NELL1: variants seen among roughly 807,000 people sequenced by gnomAD.
NELL1 encodes the protein neural EGFL like 1.
NELL1 carries 76 observed loss-of-function variants against 107.4 expected under a neutral mutation model. The ratio of observed to expected loss-of-function variants is 0.71; its 90% CI spans 0.59 to 0.86. The LOEUF is 0.86. Ranked by LOEUF, NELL1 falls within the 40% of genes least tolerant of loss-of-function variation. NELL1 has a pLI of 0.00. For missense variants in NELL1, 1,024 were observed against 1,005.5 expected (o/e 1.02, Z -0.25); for synonymous variants, 353 against 341.2 (o/e 1.03, Z -0.38).
chr11:20,730,412 G>T (rs1000193930), intron 2 of NELL1, among the ~76,000 whole-genome samples: 25 of 152,246 alleles, frequency 1.6e-4, no homozygotes, highest in Non-Finnish European at 1.5e-4. Flanking sequence ...TCCCAAAGAT[G>T]TGTGCAGTCT....
At chr11:20,816,823 C>T (rs1382173472) in intron 3 of NELL1, among the ~76,000 whole-genome samples, 2 of 151,992 alleles carry the variant, frequency 1.3e-5, no homozygotes, top group African/African-American at 4.8e-5. Flanking sequence ...TTTTCCATGT[C>T]TAGCTTGTTA....
intron 14 of NELL1, among the ~76,000 whole-genome samples, chr11:21,243,247 G>A (rs1368103140): frequency 6.6e-6 from 1 of 152,108 alleles, no homozygotes; most frequent in Non-Finnish European, 1.5e-5. Flanking sequence ...TATACTTCTT[G>A]TAGGTAGAAT....
intron 5 of NELL1, among the ~76,000 whole-genome samples, chr11:20,886,155 G>C (rs192391463): frequency 3.0e-4 from 45 of 152,168 alleles, no homozygotes; most frequent in Non-Finnish European, 2.1e-4. Flanking sequence ...TTGGTACCAT[G>C]CTCACTACCT....
chr11:20,741,228 C>T (rs1259817020), intron 2 of NELL1, among the ~76,000 whole-genome samples: 2 of 152,018 alleles, frequency 1.3e-5, no homozygotes, highest in African/African-American at 4.8e-5. Flanking sequence ...GCCTTCTCGC[C>T]CCTCATAGTG....
chr11:21,254,949 C>G (rs1053936178), intron 14 of NELL1, among the ~76,000 whole-genome samples: 7 of 152,050 alleles, frequency 4.6e-5, no homozygotes, highest in Non-Finnish European at 1.0e-4. Context: ...ATTCTTTCAC[C>G]TTTGTGTGAC....
intron 14 of NELL1, among the ~76,000 whole-genome samples, chr11:21,347,517 G>T (rs138312772): frequency 6.6e-6 from 1 of 152,046 alleles, no homozygotes; most frequent in Non-Finnish European, 1.5e-5. Flanking sequence ...CAGGAGAATC[G>T]CTTGAACCTG....
chr11:20,713,168 G>A (rs1187948784), intron 2 of NELL1, among the ~76,000 whole-genome samples: 1 of 152,172 alleles, frequency 6.6e-6, no homozygotes, highest in Non-Finnish European at 1.5e-5. Flanking sequence ...CTTGCCCTAA[G>A]TTGACCAGGG....
chr11:20,972,708 G>A (rs1851525597), intron 12 of NELL1, among the ~76,000 whole-genome samples: 2 of 151,962 alleles, frequency 1.3e-5, no homozygotes, highest in Admixed American at 1.3e-4. Context: ...TGTAGGCCTT[G>A]TGAAATTTGG....
At chr11:20,701,231 G>A (rs1564868406) in intron 2 of NELL1, among the ~76,000 whole-genome samples, 1 of 152,080 alleles carries the variant, frequency 6.6e-6, no homozygotes. Flanking sequence ...TCTCATTGTG[G>A]TTTTGATTTG....
At chr11:21,235,277 G>C (rs780442089) in intron 14 of NELL1, among the ~76,000 whole-genome samples, 2 of 152,116 alleles carry the variant, frequency 1.3e-5, no homozygotes, top group Non-Finnish European at 2.9e-5. Flanking sequence ...ATTGAAAAAC[G>C]GGAGGATTGT....
intron 12 of NELL1, among the ~76,000 whole-genome samples, chr11:21,060,566 A>G (rs548820061): frequency 1.3e-5 from 2 of 152,316 alleles, no homozygotes; most frequent in South Asian, 2.1e-4. Context: ...GCATTCCATT[A>G]TGTAGCAAAT....
intron 13 of NELL1, among the ~76,000 whole-genome samples, chr11:21,164,014 A>G (rs1331527253): frequency 6.6e-6 from 1 of 152,164 alleles, no homozygotes; most frequent in East Asian, 1.9e-4. Flanking sequence ...ATGCCCATAG[A>G]GAAAAAAGTC....
chr11:20,814,592 C>G (rs1448825326), intron 3 of NELL1, among the ~76,000 whole-genome samples: 2 of 152,168 alleles, frequency 1.3e-5, no homozygotes, highest in Non-Finnish European at 2.9e-5. Context: ...GGATAACGTC[C>G]TTCAGCTACG....
At chr11:20,970,876 A>G (rs1851486415) in intron 12 of NELL1, among the ~76,000 whole-genome samples, 1 of 152,170 alleles carries the variant, frequency 6.6e-6, no homozygotes, top group Non-Finnish European at 1.5e-5. Flanking sequence ...GTTATGGAAA[A>G]AAAAATTAGA....
At chr11:20,725,189 A>G (rs1000411903) in intron 2 of NELL1, among the ~76,000 whole-genome samples, 2 of 152,180 alleles carry the variant, frequency 1.3e-5, no homozygotes, top group Non-Finnish European at 2.9e-5. Flanking sequence ...GCATCTCCAA[A>G]CAGTTCATGC....
intron 14 of NELL1, among the ~76,000 whole-genome samples, chr11:21,361,588 T>C (rs1456882205): frequency 6.6e-6 from 1 of 152,158 alleles, no homozygotes; most frequent in East Asian, 1.9e-4. Context: ...TTTTCCAAAC[T>C]TTCAGATTTT....
At chr11:21,527,593 T>A (rs10741885) in intron 15 of NELL1, among the ~76,000 whole-genome samples, 1 of 151,966 alleles carries the variant, frequency 6.6e-6, no homozygotes, top group South Asian at 2.1e-4. Flanking sequence ...TTGACTCACA[T>A]GATCACAAGC....
At chr11:20,882,358 G>A (rs989617919) in intron 4 of NELL1, among the ~76,000 whole-genome samples, 1 of 152,180 alleles carries the variant, frequency 6.6e-6, no homozygotes, top group Non-Finnish European at 1.5e-5. Flanking sequence ...TGTTTTGCAT[G>A]TGTGAATTTT....
chr11:21,225,047 TAC>T (rs555520366), intron 13 of NELL1, among the ~76,000 whole-genome samples: 7 of 152,180 alleles, frequency 4.6e-5, no homozygotes, highest in Non-Finnish European at 8.8e-5. Flanking sequence ...TATAGGGTGC[TAC>T]ACAGGCTCAG....
Sources: allele counts gnomAD v4.1 joint callset (sites outside exome capture counted in the v4.1 genomes callset), GRCh38; gene constraint gnomAD v4.1.1; transcripts MANE v1.5; gene names NCBI Gene and HGNC (gene_info 2026-07-23, HGNC 2026-07-21).